SENP2: variants seen among roughly 807,000 people sequenced by gnomAD.
SENP2 encodes the protein SUMO specific peptidase 2.
SENP2 carries 16 observed loss-of-function variants against 86.3 expected under a neutral mutation model. The ratio of observed to expected loss-of-function variants is 0.19; its 90% confidence interval spans 0.13 to 0.28. The LOEUF is 0.28. Ranked by LOEUF, SENP2 falls within the 10% of genes least tolerant of loss-of-function variation. SENP2 has a pLI of 1.00. For synonymous variants in SENP2, 222 were observed against 238.7 expected (o/e 0.93, Z 0.64); for missense variants, 552 against 703.0 (o/e 0.79, Z 2.43).
chr3:185,630,528 C>CCGT lies in SENP2; in HGVS notation c.*685_*687dup, dbSNP rs1283544208. On this transcript the variant is annotated 3_prime_UTR_variant, in exon 17 of 17. Transcript: ENST00000296257. Reference sequence around the variant, plus strand: ...CTGACACTACAGCGTTGGCACAGTGCCGTGAACAGTGGAACTGTGCCCAAG... The same window carrying CCGT: ...CTGACACTACAGCGTTGGCACAGTGCCGTCGTGAACAGTGGAACTGTGCCCAAG... 1 of 152,952 alleles carries CCGT rather than the reference C, an allele frequency of 6.5e-6. No individual in the cohort carries two copies. The highest frequency in any genetic ancestry group is 1.5e-5 in the Non-Finnish European group (1 of 68,328). 9.5% of individuals were successfully genotyped at this position (152,952 alleles called of 1,614,324 possible).
intron 4 of SENP2, among the ~76,000 whole-genome samples, chr3:185,600,515 C>T (rs1421780237): frequency 6.6e-6 from 1 of 152,140 alleles, no homozygotes. Context: ...TCCCATCAAG[C>T]AAAACAAGCA....
chr3:185,610,457 C>T (rs371531414), intron 7 of SENP2, among the ~76,000 whole-genome samples: 85 of 152,214 alleles, frequency 5.6e-4, no homozygotes, highest in Non-Finnish European at 7.9e-4. Context: ...CCACCGCACC[C>T]GGCCTACTAT....
At position 185,590,136 on chromosome 3, in the gene SENP2, A is replaced by G; in HGVS notation, c.124A>G (p.Thr42Ala). 6.4e-7 allele frequency: 1 copy of G among 1,552,336 alleles called. No homozygotes were observed. The highest frequency in any genetic ancestry group is 8.7e-7 in the Non-Finnish European group (1 of 1,148,604). ...SDSTLFSTVD[T>A]DEIPAKRPRL... is the part of the protein sequence containing the mutation. ...CAGCACTCTGTTTTCTACAGTGGAC[A>G]CTGATGAAATACCAGCCAAAAGACC... Residue 42 changes from threonine (T) to alanine (A), a missense_variant, in exon 2 of 17, where the codon ACT (threonine) becomes GCT (alanine). This residue lies in a region of SENP2 where 383 missense variants were observed against 427.3 expected (regional missense o/e 0.90). Transcript: ENST00000296257.
At chr3:185,605,470 T>C (rs1722483903) in intron 5 of SENP2, among the ~76,000 whole-genome samples, 1 of 152,172 alleles carries the variant, frequency 6.6e-6, no homozygotes, top group Admixed American at 6.5e-5. Flanking sequence ...ACAGGTCTTA[T>C]TTAAATTTTT....
At position 185,598,470 on chromosome 3, in the gene SENP2, C is replaced by A; in HGVS notation, c.216C>A (p.Phe72Leu). The change falls in exon 3 of 17, where the codon TTC becomes TTA. Residue 72 changes from phenylalanine to leucine, a missense_variant. By Grantham distance (22) the Phe-to-Leu change is conservative (BLOSUM62 0). Around this residue, in one of 2 missense-constraint regions of SENP2, gnomAD observed 383 missense variants for 427.3 expected, o/e 0.90. Coordinates refer to ENST00000296257, the MANE Select transcript of SENP2 (RefSeq NM_021627.3). ...SLYNAASLFG[F>L]PFQLTTKPMV... The stretch of plus-strand genomic sequence containing the variant: ...ACAATGCTGCCAGCTTATTTGGATT[C>A]CCATTCCAGCTGACCACAAAGCCCA... The A allele has an allele frequency of 6.2e-7, 1 of 1,614,024 alleles. No homozygotes were observed. Among genetic ancestry groups the A allele is most frequent in the South Asian group, 1.1e-5 (1 of 91,086 alleles).
chr3:185,602,094 G>A (rs564257032), intron 5 of SENP2, among the ~76,000 whole-genome samples: 2 of 151,838 alleles, frequency 1.3e-5, no homozygotes, highest in South Asian at 4.2e-4. Context: ...TCTCTCTAAA[G>A]CTGTTTATTA....
intron 3 of SENP2, 100 bp from the exon 4 acceptor site, chr3:185,598,858 C>G: frequency 1.1e-6 from 1 of 881,164 alleles, no homozygotes; most frequent in South Asian, 1.5e-5. Context: ...GATGGTATCT[C>G]TTCTGTGAGC....
intron 2 of SENP2, among the ~76,000 whole-genome samples, chr3:185,593,277 T>A (rs561189004): frequency 2.6e-5 from 4 of 152,288 alleles, no homozygotes; most frequent in African/African-American, 9.6e-5. Context: ...TGTTTTGTTT[T>A]GTTTAGTTTT....
rs1399031090 is a variant in SENP2 at position 185,619,305 on chromosome 3, A to C, written c.1249A>C (p.Asn417His). ...CTCCCTTGGTATTTTGTAGGTCATT[A>C]ATTTTTACATGAATCTTCTGGTGGA... ...NYHWLNDEVI[N>H]FYMNLLVERN... is the part of the protein sequence containing the mutation. The change falls in exon 13 of 17, where the codon AAT (asparagine) becomes CAT (histidine). Residue 417 changes from asparagine to histidine, a missense_variant. By Grantham distance (68) the Asn-to-His change is moderately conservative. Around this residue, in one of 2 missense-constraint regions of SENP2, gnomAD observed 169 missense variants for 275.7 expected, o/e 0.61. Transcript: ENST00000296257. 1 of 1,612,188 alleles carries C rather than the reference A, an allele frequency of 6.2e-7. No homozygotes were observed. Among genetic ancestry groups the C allele is most frequent in the Admixed American group, 1.7e-5 (1 of 59,990 alleles).
chr3:185,627,391 G>C (rs1712199411), intron 16 of SENP2, among the ~76,000 whole-genome samples: 2 of 152,134 alleles, frequency 1.3e-5, no homozygotes, highest in South Asian at 4.1e-4. Flanking sequence ...TTTCCTTTCT[G>C]TTCTGCTCTT....
chr3:185,592,237 C>A (rs1722033736), intron 2 of SENP2, among the ~76,000 whole-genome samples: 1 of 151,594 alleles, frequency 6.6e-6, no homozygotes. Flanking sequence ...TACCACCACA[C>A]CTGGCAAATT....
At chr3:185,598,877 A>C in intron 3 of SENP2, 81 bp from the exon 4 acceptor site, 1 of 1,136,282 alleles carries the variant, frequency 8.8e-7, no homozygotes, top group Non-Finnish European at 1.3e-6. Context: ...GCTACCTAAG[A>C]AAAAGTTATC....
intron 10 of SENP2, among the ~76,000 whole-genome samples, chr3:185,614,172 AAGTTG>A: frequency 6.6e-6 from 1 of 152,346 alleles, no homozygotes; most frequent in East Asian, 1.9e-4. Flanking sequence ...AACTAGAACC[AAGTTG>A]AGTTACTATA....
chr3:185,632,771 G>A lies in SENP2; in HGVS notation c.*2927G>A, dbSNP rs559622826. The stretch of plus-strand genomic sequence containing the variant: ...ACTCCCGACCTCAAGTGATCTGCCC[G>A]CCTCGGCCTCCCAAAGTGCTGGGAT... On this transcript the variant is annotated 3_prime_UTR_variant, in exon 17 of 17. Coordinates refer to ENST00000296257, the MANE Select transcript of SENP2 (RefSeq NM_021627.3). The A allele has an allele frequency of 1.3e-3, 205 of 152,450 alleles. 2 individuals are homozygous for A. The highest frequency in any genetic ancestry group is 4.8e-3 in the African/African-American group (199 of 41,548). The allele number at this position is 152,450 out of a possible 1,614,324, so 9.4% of individuals were successfully genotyped here. A position where few individuals can be genotyped will look rare whatever the true frequency, so the allele number is the denominator to read the frequency against.
intron 12 of SENP2, among the ~76,000 whole-genome samples, chr3:185,617,951 G>A (rs555840696): frequency 6.6e-6 from 1 of 150,998 alleles, no homozygotes; most frequent in Non-Finnish European, 1.5e-5. Flanking sequence ...TTGTTTTTTG[G>A]TTTTGTTTTT....
chr3:185,612,785 A>G, intron 9 of SENP2, 127 bp downstream of exon 9: 1 of 620,444 alleles, frequency 1.6e-6, no homozygotes, highest in Non-Finnish European at 2.8e-6. Context: ...TGGTCAGCAT[A>G]TAGGGTAGAT....
rs912680087 is a variant in SENP2, at chr3:185,616,602, C to T, written c.1111-878C>T. ...CATCCTGGCTAACACAGTGAAACCC[C>T]GTCTCTACTAAAAATACAAAAAATT... On this transcript the variant is annotated intron_variant, in intron 11 of 16. Transcript: ENST00000296257. Among the ~76,000 whole-genome samples the T allele has an allele frequency of 5.3e-5, 8 of 151,824 alleles. No individual in the cohort carries two copies. In the South Asian group the frequency reaches 1.7e-3, roughly 32 times the overall value.
chr3:185,629,164 T>A (rs1279519555), intron 16 of SENP2, among the ~76,000 whole-genome samples: 1 of 152,218 alleles, frequency 6.6e-6, no homozygotes, highest in Non-Finnish European at 1.5e-5. Context: ...TTTTGAAAAT[T>A]CATATAAGTA....
At position 185,606,419 on chromosome 3, in the gene SENP2, C is replaced by T. The variant is rs1560194371; in HGVS notation, c.539C>T (p.Pro180Leu). Residue 180 changes from proline (P) to leucine (L), a missense_variant, in exon 6 of 17, where the codon CCT becomes CTT. Pro to Leu is a moderately conservative substitution (Grantham distance 98). Around this residue, in one of 2 missense-constraint regions of SENP2, gnomAD observed 383 missense variants for 427.3 expected, o/e 0.90. Transcript: ENST00000296257. ...GNPESSLMWK[P>L]QEQAVTEMIS... ...CCAGAGAGTTCTTTAATGTGGAAAC[C>T]TCAGGAACAGGCTGTAACAGAGATG... is the stretch of plus-strand genomic sequence containing the variant. 1 of 1,613,870 alleles carries T rather than the reference C, an allele frequency of 6.2e-7. No individual in the cohort carries two copies. The highest frequency in any genetic ancestry group is 8.5e-7 in the Non-Finnish European group (1 of 1,179,962).
Sources: allele counts gnomAD v4.1 joint callset (sites outside exome capture counted in the v4.1 genomes callset), GRCh38; gene constraint gnomAD v4.1.1; regional missense constraint gnomAD v4.1.1; transcripts MANE v1.5; gene names NCBI Gene and HGNC (gene_info 2026-07-23, HGNC 2026-07-21).